DLC1: variants seen among roughly 807,000 people sequenced by gnomAD.
The protein encoded by DLC1 is rho GTPase-activating protein 7.
Under a neutral mutation model 140.3 loss-of-function variants are expected in DLC1, and 54 were observed. The observed-to-expected ratio is 0.38, with a 90% CI of 0.31 to 0.48. DLC1 has a LOEUF of 0.48. Ranked by LOEUF, DLC1 falls within the 20% of genes least tolerant of loss-of-function variation. The pLI is 0.96. For synonymous variants in DLC1, 986 were observed against 728.1 expected, an observed-to-expected ratio of 1.35 and a Z score of -5.70; for missense variants, 2,536 against 1,907.0, an observed-to-expected ratio of 1.33 and a Z score of -6.14.
At chr8:13,448,880 C>T (rs1030722380) in intron 2 of DLC1, among the ~76,000 whole-genome samples, 1 of 147,056 alleles carries the variant, frequency 6.8e-6, no homozygotes, top group Non-Finnish European at 1.5e-5. Context: ...GCAGATTTCA[C>T]AGCAAGGAAA....
chr8:13,570,416 G>C (rs982970857), intron 1 of DLC1, among the ~76,000 whole-genome samples: 4 of 146,794 alleles, frequency 2.7e-5, no homozygotes, highest in African/African-American at 7.6e-5. Context: ...TCTAGCATTA[G>C]GTATATCTCC....
intron 2 of DLC1, among the ~76,000 whole-genome samples, chr8:13,494,286 C>T (rs1172712775): frequency 2.0e-5 from 3 of 152,144 alleles, no homozygotes; most frequent in Non-Finnish European, 4.4e-5. Flanking sequence ...TCCCTTACGT[C>T]TTTGATAATA....
At chr8:13,227,713 A>G (rs1828862686) in intron 5 of DLC1, among the ~76,000 whole-genome samples, 1 of 152,192 alleles carries the variant, frequency 6.6e-6, no homozygotes, top group East Asian at 1.9e-4. Context: ...ATGACGAAAG[A>G]TAAATTAAGT....
At chr8:13,430,952 A>G (rs1300178549) in intron 2 of DLC1, among the ~76,000 whole-genome samples, 1 of 152,240 alleles carries the variant, frequency 6.6e-6, no homozygotes, top group African/African-American at 2.4e-5. Flanking sequence ...TTGCTATCCT[A>G]TGAAGTCGCA....
At chr8:13,378,696 A>G (rs1021226697) in intron 4 of DLC1, among the ~76,000 whole-genome samples, 1 of 152,136 alleles carries the variant, frequency 6.6e-6, no homozygotes, top group African/African-American at 2.4e-5. Flanking sequence ...AACAATATTG[A>G]GAGTCTTTCA....
chr8:13,246,703 C>T (rs564575132), intron 5 of DLC1, among the ~76,000 whole-genome samples: 90 of 151,854 alleles, frequency 5.9e-4, no homozygotes, highest in Non-Finnish European at 1.1e-3. Context: ...CTGACACCCA[C>T]TTGCATGCCA....
intron 5 of DLC1, among the ~76,000 whole-genome samples, chr8:13,303,842 G>C (rs1832309387): frequency 6.6e-6 from 1 of 152,150 alleles, no homozygotes. Context: ...CAAAATATTT[G>C]AGAAGCTTGA....
chr8:13,255,043 C>G (rs1021865176), intron 5 of DLC1, among the ~76,000 whole-genome samples: 1 of 151,730 alleles, frequency 6.6e-6, no homozygotes, highest in African/African-American at 2.4e-5. Context: ...GTGGCGCAAT[C>G]TCGGCTCACT....
At chr8:13,360,460 A>G (rs984708948) in intron 4 of DLC1, among the ~76,000 whole-genome samples, 1 of 152,226 alleles carries the variant, frequency 6.6e-6, no homozygotes, top group Admixed American at 6.5e-5. Context: ...CTCTACTAGT[A>G]GTTCTTAACC....
intron 5 of DLC1, among the ~76,000 whole-genome samples, chr8:13,210,541 TC>T (rs1465910480): frequency 6.6e-6 from 1 of 152,226 alleles, no homozygotes; most frequent in Non-Finnish European, 1.5e-5. Context: ...GATTTGCTCT[TC>T]TATAGAGGTC....
Position 13,434,963 on chromosome 8 carries a change from A to ACC in DLC1, c.1024-33346_1024-33345dup, listed in dbSNP as rs35497097. 6.4e-4 allele frequency among the ~76,000 whole-genome samples: 97 copies of ACC among 150,650 alleles called. 1 individual carries two copies. The Middle Eastern group carries it at 0.014, about 21-fold the overall frequency. ...CCAAAATGCTGGGATTACAGGCGTGACCCCCCCCGGCTCACCCTCAAGCCT... is the reference window on the plus strand; with the variant it reads ...CCAAAATGCTGGGATTACAGGCGTGACCCCCCCCCCGGCTCACCCTCAAGCCT... On this transcript the variant is annotated intron_variant, in intron 2 of 17. Transcript: ENST00000276297.
At chr8:13,425,095 T>C (rs960997523) in intron 2 of DLC1, among the ~76,000 whole-genome samples, 4 of 151,964 alleles carry the variant, frequency 2.6e-5, no homozygotes, top group Non-Finnish European at 5.9e-5. Context: ...TGCTTCTCTT[T>C]CCAAGTTCCT....
intron 5 of DLC1, among the ~76,000 whole-genome samples, chr8:13,133,965 T>A (rs1005098327): frequency 3.3e-5 from 5 of 152,152 alleles, no homozygotes; most frequent in African/African-American, 1.2e-4. Context: ...GAGCTTTCAC[T>A]CGGCACGTGC....
At chr8:13,110,308 A>G (rs1819974806) in intron 7 of DLC1, among the ~76,000 whole-genome samples, 1 of 152,160 alleles carries the variant, frequency 6.6e-6, no homozygotes, top group South Asian at 2.1e-4. Context: ...ATTTCGTCCT[A>G]TCATTATTTT....
At position 13,148,779 on chromosome 8, in the gene DLC1, G is replaced by A. The variant is rs142152372; in HGVS notation, c.1349-33122C>T. On this transcript the variant is annotated intron_variant, in intron 5 of 17. Coordinates refer to ENST00000276297, the MANE Select transcript of DLC1 (RefSeq NM_182643.3). ...AGCAAACACCTAGCTGGCCAGTAAT[G>A]AGGTGATAATTTTTTCTTTTTTATT... Among the ~76,000 whole-genome samples the A allele has an allele frequency of 4.6e-3, 695 of 152,190 alleles. 3 individuals carry two copies. The highest frequency in any genetic ancestry group is 0.016 in the African/African-American group (649 of 41,530).
intron 5 of DLC1, among the ~76,000 whole-genome samples, chr8:13,135,686 C>T (rs1822519418): frequency 1.3e-5 from 2 of 152,196 alleles, no homozygotes; most frequent in South Asian, 2.1e-4. Context: ...AGAATAAGTT[C>T]TTAATATTTT....
chr8:13,153,257 G>T (rs1823975009), intron 5 of DLC1, among the ~76,000 whole-genome samples: 1 of 152,146 alleles, frequency 6.6e-6, no homozygotes, highest in African/African-American at 2.4e-5. Context: ...TGAAGCTGCT[G>T]ATCTTCGCTG....
intron 8 of DLC1, 133 bp from the exon 9 acceptor site, chr8:13,100,903 A>G: frequency 2.6e-6 from 2 of 762,528 alleles, no homozygotes; most frequent in Non-Finnish European, 3.6e-6. Context: ...TTAATTTTAA[A>G]GTTTTTTTTT....
chr8:13,451,037 CAAAAAAAAAAAAAAAA>C (rs1169620786), intron 2 of DLC1, among the ~76,000 whole-genome samples: 1 of 18,380 alleles, frequency 5.4e-5, no homozygotes, highest in Non-Finnish European at 1.4e-4. Flanking sequence ...GACTCCGTCT[CAAAAAAAAAAAAAAAA>C]AAAAAAAAAA....
Sources: gnomAD v4.1 joint callset for allele counts (sites outside exome capture counted in the v4.1 genomes callset) on GRCh38, gnomAD v4.1.1 for gene constraint, MANE v1.5 for transcripts, NCBI Gene and HGNC (gene_info 2026-07-23, HGNC 2026-07-21) for gene names.